The following INTS2 variants were observed in gnomAD, a reference collection of about 807,000 sequenced individuals.
INTS2 encodes integrator complex subunit 2, also known as KIAA1287.
Under a neutral mutation model 139.6 loss-of-function variants are expected in INTS2, and 57 were observed. The observed-to-expected ratio is 0.41, with a 90% CI of 0.33 to 0.51. The LOEUF (loss-of-function observed/expected upper bound fraction) is 0.51, where lower values mean the gene tolerates loss of function less well. INTS2 is among the 20% of genes least tolerant of loss of function. INTS2 has a pLI of 0.28. For synonymous variants in INTS2, 473 were observed against 493.4 expected, an observed-to-expected ratio of 0.96 and a Z score of 0.55; for missense variants, 1,196 against 1,436.7, an observed-to-expected ratio of 0.83 and a Z score of 2.71.
rs2079363803 is a variant in INTS2 at position 61,897,717 on chromosome 17, T to A, written c.1330A>T (p.Met444Leu). ...ATCATCCAACTTAGCCACACCACCA[T>A]CAGCTGCTCCTGTTCAGGTGTACTA... ...LVSTPEQEQL[M>L]VVWLSWMIKE... Residue 444 changes from methionine (M) to leucine (L), a missense_variant, in exon 10 of 25, where the codon ATG becomes TTG. Transcript: ENST00000251334. The surrounding 1 kb of genome is among the most constrained non-coding windows in gnomAD (Gnocchi z 4.4). 1.9e-6 allele frequency: 3 copies of A among 1,608,130 alleles called. No homozygotes were observed. In the East Asian group the frequency reaches 6.7e-5, roughly 36 times the overall value.
Position 61,899,166 on chromosome 17 carries a change from C to A in INTS2, c.1308-1427G>T, listed in dbSNP as rs79704543. Among the ~76,000 whole-genome samples, 788 of 152,338 alleles carry A rather than the reference C, an allele frequency of 5.2e-3. 7 individuals are homozygous for A. The highest frequency in any genetic ancestry group is 0.018 in the African/African-American group (743 of 41,584). Reference sequence around the variant, plus strand: ...TACCACATCTGAGTGAGAATCCCATCTCTGCTAATTACTGGTAGTGTGATC... The same window carrying A: ...TACCACATCTGAGTGAGAATCCCATATCTGCTAATTACTGGTAGTGTGATC... On this transcript the variant is annotated intron_variant, in intron 9 of 24. Coordinates refer to ENST00000251334, the MANE Select transcript of INTS2 (RefSeq NM_001351695.2).
intron 16 of INTS2, among the ~76,000 whole-genome samples, chr17:61,881,425 C>T (rs569255557): frequency 1.3e-5 from 2 of 152,156 alleles, no homozygotes; most frequent in African/African-American, 4.8e-5. Flanking sequence ...GGCAAAACCC[C>T]GTATCTACTA....
intron 3 of INTS2, among the ~76,000 whole-genome samples, chr17:61,922,908 T>A (rs887603678): frequency 1.3e-5 from 2 of 151,428 alleles, no homozygotes; most frequent in African/African-American, 2.4e-5. Context: ...TGAAACCCCG[T>A]CTCTACTAAA....
rs766856092 is a variant in INTS2, at chr17:61,875,060, G to C, written c.2457-22C>G. 6.5e-7 allele frequency: 1 copy of C among 1,543,568 alleles called. No homozygotes were observed. Among genetic ancestry groups the C allele is most frequent in the Non-Finnish European group, 8.8e-7 (1 of 1,142,746 alleles). On this transcript the variant is annotated intron_variant, in intron 18 of 24. Coordinates refer to ENST00000251334, the MANE Select transcript of INTS2 (RefSeq NM_001351695.2). This position sits in a 1 kb window ranked among gnomAD's most constrained non-coding sequence, Gnocchi z 4.6. ...TAGCCTGATAAGAAAATAATCACAT[G>C]TTCAAAACAGTTTTTTATATATTAA...
At position 61,872,352 on chromosome 17, in the gene INTS2, G is replaced by A. The variant is rs201014744; in HGVS notation, c.2691C>T (p.Ser897=). 1.2e-6 allele frequency: 2 copies of A among 1,612,956 alleles called. No individual in the cohort carries two copies. The highest frequency in any genetic ancestry group is 2.2e-5 in the East Asian group (1 of 44,858). The change falls in exon 20 of 25, where the codon TCC becomes TCT. Residue 897 remains serine (S), a synonymous_variant. Transcript: ENST00000251334. The surrounding 1 kb of genome is among the most constrained non-coding windows in gnomAD (Gnocchi z 4.8). ...HLKETEQDRP[S]QNNTIGLVGQ... is the part of the protein sequence containing the mutation. ...CAACTAAACCAATTGTATTATTCTG[G>A]GAAGGCCTATCTTGCTCTGTTTCCT...
At chr17:61,917,810 A>G (rs184552198) in intron 5 of INTS2, among the ~76,000 whole-genome samples, 2 of 152,250 alleles carry the variant, frequency 1.3e-5, no homozygotes. Context: ...AAGAAAAATT[A>G]AAACAAAGGT....
intron 18 of INTS2, among the ~76,000 whole-genome samples, chr17:61,877,638 T>C (rs1243859624): frequency 2.6e-5 from 4 of 152,200 alleles, no homozygotes; most frequent in African/African-American, 7.2e-5. Context: ...CAAATAACTA[T>C]ACATGATAAC....
rs529845846 is a variant in INTS2 at position 61,873,111 on chromosome 17, T to A, written c.2583-651A>T. Among the ~76,000 whole-genome samples, 4 of 152,182 alleles carry A rather than the reference T, an allele frequency of 2.6e-5. No homozygotes were observed. Among genetic ancestry groups the A allele is most frequent in the African/African-American group, 9.7e-5 (4 of 41,448 alleles). On this transcript the variant is annotated intron_variant, in intron 19 of 24. Transcript: ENST00000251334. This position sits in a 1 kb window ranked among gnomAD's most constrained non-coding sequence, Gnocchi z 4.0. The stretch of plus-strand genomic sequence containing the variant: ...CCATGTTCTAATGAAATACTCAGCA[T>A]GGGGAAATGCACATAATCACCAAAG...
chr17:61,907,479 T>C lies in INTS2; in HGVS notation c.1110A>G (p.Lys370=). 6.2e-7 allele frequency: 1 copy of C among 1,603,472 alleles called. No individual in the cohort carries two copies. Among genetic ancestry groups the C allele is most frequent in the Non-Finnish European group, 8.5e-7 (1 of 1,175,212 alleles). The change falls in exon 8 of 25, where the codon AAA becomes AAG. Residue 370 remains lysine (K), a synonymous_variant. Coordinates refer to ENST00000251334, the MANE Select transcript of INTS2 (RefSeq NM_001351695.2). ...CACTGGCTTTCACAACATGCTCTTC[T>C]TTCAGCCCCGAATACACAGACACAT... The part of the protein sequence containing the change: ...EPNVSVYSGL[K]EEHVVKASAL...
chr17:61,904,385 T>C, intron 9 of INTS2, 75 bp downstream of exon 9: 1 of 1,066,926 alleles, frequency 9.4e-7, no homozygotes, highest in Non-Finnish European at 1.4e-6. Context: ...AAAACTCTTA[T>C]CTAATGCTAT....
chr17:61,924,673 C>CA (rs894328768), intron 3 of INTS2, among the ~76,000 whole-genome samples: 2 of 151,914 alleles, frequency 1.3e-5, no homozygotes, highest in African/African-American at 4.8e-5. Context: ...ACTAAAAATA[C>CA]AAAAAATTAG....
intron 8 of INTS2, among the ~76,000 whole-genome samples, chr17:61,905,668 G>A (rs1452176146): frequency 8.6e-5 from 13 of 152,012 alleles, no homozygotes; most frequent in Admixed American, 8.5e-4. Flanking sequence ...ATCAAGAGTA[G>A]TTTAAACAGC....
At chr17:61,900,561 A>T (rs1180504240) in intron 9 of INTS2, among the ~76,000 whole-genome samples, 1 of 152,188 alleles carries the variant, frequency 6.6e-6, no homozygotes, top group Non-Finnish European at 1.5e-5. Flanking sequence ...TTCCCTCTCC[A>T]GGCCAGACAA....
intron 8 of INTS2, among the ~76,000 whole-genome samples, chr17:61,907,073 G>A (rs573770703): frequency 6.6e-6 from 1 of 151,134 alleles, no homozygotes; most frequent in Non-Finnish European, 1.5e-5. Context: ...ACTTCAACTA[G>A]TCAATGGTAA....
intron 9 of INTS2, among the ~76,000 whole-genome samples, chr17:61,902,858 T>TAA (rs1049738346): frequency 1.7e-4 from 17 of 98,038 alleles, no homozygotes; most frequent in Admixed American, 3.4e-4. Context: ...TGAAAGAGCT[T>TAA]AAAAAAAAAA....
At position 61,870,197 on chromosome 17, in the gene INTS2, G is replaced by A. The variant is rs2079077879; in HGVS notation, c.2779-209C>T. Among the ~76,000 whole-genome samples, 1 of 152,074 alleles carries A rather than the reference G, an allele frequency of 6.6e-6. No homozygotes were observed. The highest frequency in any genetic ancestry group is 1.5e-5 in the Non-Finnish European group (1 of 67,976). On this transcript the variant is annotated intron_variant, in intron 20 of 24. Transcript: ENST00000251334. The surrounding 1 kb of genome is among the most constrained non-coding windows in gnomAD (Gnocchi z 4.4). Reference sequence around the variant, plus strand: ...ATTATGAACCCCTTAAGAATCTAAAGAAAACTATGTACCCTCTCCCGATAA... The same window carrying A: ...ATTATGAACCCCTTAAGAATCTAAAAAAAACTATGTACCCTCTCCCGATAA...
intron 7 of INTS2, chr17:61,911,310 TTC>T (rs2079524106): frequency 4.4e-6 from 2 of 454,150 alleles, no homozygotes; most frequent in African/African-American, 4.0e-5. Flanking sequence ...AAGTGTTAAT[TTC>T]TAATATGGTA....
At chr17:61,914,702 C>CAAAAAAAAAAAAAA (rs58141533) in intron 5 of INTS2, among the ~76,000 whole-genome samples, 5 of 49,362 alleles carry the variant, frequency 1.0e-4, no homozygotes, top group African/African-American at 2.7e-4. Context: ...GACTCCGTCT[C>CAAAAAAAAAAAAAA]AAAAAAAAAA....
intron 17 of INTS2, 75 bp from the exon 18 acceptor site, chr17:61,878,163 G>C: frequency 4.6e-6 from 4 of 869,164 alleles, no homozygotes; most frequent in Non-Finnish European, 5.8e-6. Flanking sequence ...TGTTCTCTCA[G>C]ACTATAGACC....
Sources: gnomAD v4.1 joint callset for allele counts (sites outside exome capture counted in the v4.1 genomes callset) on GRCh38, gnomAD v4.1.1 for gene constraint, Gnocchi (gnomAD v3.1) non-coding constraint, MANE v1.5 for transcripts, NCBI Gene and HGNC (gene_info 2026-07-23, HGNC 2026-07-21) for gene names.